The following RRN3 variants were observed in gnomAD, a reference collection of about 807,000 sequenced individuals.
RRN3 encodes RNA polymerase I transcription factor RRN3.
In RRN3, 38 loss-of-function variants were observed where a neutral mutation model predicts 82.3. The observed-to-expected ratio is 0.46, with a 90% CI of 0.36 to 0.61. The LOEUF (loss-of-function observed/expected upper bound fraction) is 0.61. Ranked by LOEUF, RRN3 falls within the 20% of genes least tolerant of loss-of-function variation. The pLI is 0.00. For synonymous variants in RRN3, 284 were observed against 284.3 expected (o/e 1.00, Z 0.01); for missense variants, 726 against 793.1 (o/e 0.92, Z 1.02).
intron 3 of RRN3, among the ~76,000 whole-genome samples, chr16:15,086,677 CT>C (rs2151815806): frequency 1.3e-5 from 2 of 152,276 alleles, no homozygotes; most frequent in East Asian, 3.9e-4. Flanking sequence ...AGGAGAAAGA[CT>C]TAAATGCAAT....
rs545111679 is a variant in RRN3 at position 15,085,316 on chromosome 16, C to T, written c.532+323G>A. Among the ~76,000 whole-genome samples the T allele has an allele frequency of 4.2e-5, 5 of 118,828 alleles. No homozygotes were observed. In the South Asian group the frequency reaches 1.2e-3, roughly 29 times the overall value. 78.0% of individuals were successfully genotyped at this position (118,828 alleles called of 152,430 possible). On this transcript the variant is annotated intron_variant, in intron 6 of 17. Coordinates refer to ENST00000198767, the MANE Select transcript of RRN3 (RefSeq NM_018427.5). Reference sequence around the variant, plus strand: ...CTTATTAGAATAGGTGCCAGGTATTCTGTGCTTTACTTTTTTTTTTAAAGA... The same window carrying T: ...CTTATTAGAATAGGTGCCAGGTATTTTGTGCTTTACTTTTTTTTTTAAAGA...
At position 15,092,587 on chromosome 16, in the gene RRN3, A is replaced by T; in HGVS notation, c.117T>A (p.Asn39Lys). The T allele has an allele frequency of 6.2e-7, 1 of 1,612,632 alleles. No individual in the cohort carries two copies. The highest frequency in any genetic ancestry group is 1.7e-4 in the Middle Eastern group (1 of 6,054). Residue 39 changes from asparagine to lysine, a missense_variant, in exon 2 of 18, where the codon AAT becomes AAA. Coordinates refer to ENST00000198767, the MANE Select transcript of RRN3 (RefSeq NM_018427.5). ...TTCTTGGGGGAGAATTGAAAAAGTC[A>T]TTCTCTAATGCACGCATATTTGAAA... ...TGISNMRALE[N>K]DFFNSPPRKT... is the part of the protein sequence containing the mutation.
intron 16 of RRN3, among the ~76,000 whole-genome samples, chr16:15,064,956 G>A (rs1257969012): frequency 6.6e-6 from 1 of 152,184 alleles, no homozygotes; most frequent in Non-Finnish European, 1.5e-5. Context: ...CACGAGGTCA[G>A]GAGATCGAGA....
chr16:15,085,125 G>A (rs1002658901), intron 6 of RRN3, among the ~76,000 whole-genome samples: 3 of 151,884 alleles, frequency 2.0e-5, no homozygotes, highest in African/African-American at 7.3e-5. Context: ...TAACCAAAAC[G>A]GAATAATTTA....
At chr16:15,066,808 C>T (rs889241405) in intron 15 of RRN3, among the ~76,000 whole-genome samples, 5 of 151,534 alleles carry the variant, frequency 3.3e-5, no homozygotes, top group African/African-American at 1.2e-4. Context: ...ATGGTACACG[C>T]CTTTATTTAC....
rs11419800 is a variant in RRN3, at chr16:15,076,980, C to CTTT, written c.766-333_766-331dup. Among the ~76,000 whole-genome samples the CTTT allele has an allele frequency of 1.5e-3, 222 of 143,908 alleles. 8 individuals carry two copies. The highest frequency in any genetic ancestry group is 5.0e-3 in the African/African-American group (197 of 39,050). 94.4% of individuals were successfully genotyped at this position (143,908 alleles called of 152,430 possible). ...TGGCTCTGTGTCCCCACCCAAATCA[C>CTTT]TTTTTTTTTTTTTTTTGAGGCAGAG... On this transcript the variant is annotated intron_variant, in intron 9 of 17. Transcript: ENST00000198767.
At chr16:15,080,460 G>A (rs2045653103) in intron 8 of RRN3, among the ~76,000 whole-genome samples, 1 of 151,968 alleles carries the variant, frequency 6.6e-6, no homozygotes, top group Non-Finnish European at 1.5e-5. Flanking sequence ...TTAGAGACAG[G>A]GTCTTGCTCT....
chr16:15,075,815 T>A (rs1448706884), intron 10 of RRN3, among the ~76,000 whole-genome samples: 1 of 152,100 alleles, frequency 6.6e-6, no homozygotes, highest in African/African-American at 2.4e-5. Flanking sequence ...GGCCCCCTTT[T>A]GCAGGTCGGG....
chr16:15,081,703 C>A (rs1419586023), intron 8 of RRN3, among the ~76,000 whole-genome samples: 1 of 152,014 alleles, frequency 6.6e-6, no homozygotes, highest in East Asian at 1.9e-4. Context: ...GCATTTTTTT[C>A]TTTGGTTGCT....
intron 3 of RRN3, among the ~76,000 whole-genome samples, chr16:15,087,432 T>C (rs2045951632): frequency 6.6e-6 from 1 of 152,150 alleles, no homozygotes; most frequent in South Asian, 2.1e-4. Flanking sequence ...TCCAAACCCG[T>C]CTGTCTCGGT....
chr16:15,076,684 G>C (rs770389349), intron 9 of RRN3, 34 bp from the exon 10 acceptor site: 1 of 1,438,530 alleles, frequency 7.0e-7, no homozygotes, highest in South Asian at 1.1e-5. Context: ...AGAATAAAAG[G>C]ATTTAAAAAA....
In RRN3 at chr16:15,085,772, T is replaced by A; in HGVS notation, c.473-74A>T. The A allele has an allele frequency of 1.9e-6, 3 of 1,590,570 alleles. No individual in the cohort carries two copies. In the South Asian group the frequency reaches 3.4e-5, roughly 18 times the overall value. On this transcript the variant is annotated intron_variant, in intron 5 of 17. Coordinates refer to ENST00000198767, the MANE Select transcript of RRN3 (RefSeq NM_018427.5). ...TGAATGGCTATACAAAAAAAGTTAC[T>A]GACCTAGACAATGAACAGCTATAAA...
At chr16:15,091,209 C>A (rs1427767670) in intron 3 of RRN3, 106 bp downstream of exon 3, 1 of 1,396,848 alleles carries the variant, frequency 7.2e-7, no homozygotes, top group Non-Finnish European at 9.9e-7. Flanking sequence ...TAAGGGAGGA[C>A]CATGGAGAGA....
intron 15 of RRN3, among the ~76,000 whole-genome samples, chr16:15,067,130 C>G (rs1401709296): frequency 6.6e-6 from 1 of 150,638 alleles, no homozygotes; most frequent in Non-Finnish European, 1.5e-5. Context: ...CACTGAGACT[C>G]AGAAGAGAGG....
At chr16:15,092,754 A>T (rs1251616264) in intron 1 of RRN3, 140 bp from the exon 2 acceptor site, 1 of 634,622 alleles carries the variant, frequency 1.6e-6, no homozygotes, top group African/African-American at 1.8e-5. Flanking sequence ...ACTCTTAACC[A>T]ACAATCCTTC....
chr16:15,065,448 A>T, intron 15 of RRN3, 77 bp from the exon 16 acceptor site: 1 of 1,268,376 alleles, frequency 7.9e-7, no homozygotes, highest in Non-Finnish European at 1.1e-6. Flanking sequence ...GCTGCGTGTG[A>T]CAACTGTACC....
At chr16:15,065,539 G>A (rs1397742106) in intron 15 of RRN3, among the ~76,000 whole-genome samples, 168 bp from the exon 16 acceptor site, 10 of 152,104 alleles carry the variant, frequency 6.6e-5, no homozygotes, top group African/African-American at 2.2e-4. Context: ...TTAGGGTACC[G>A]TTCTATGGGT....
Position 15,061,592 on chromosome 16 carries a change from C to A in RRN3, c.*152G>T. ...AACAAAAAAACCCAGTCTTCAGATG[C>A]TTGATTCAGTCGAACCTGGAAGTGC... On this transcript the variant is annotated 3_prime_UTR_variant, in exon 18 of 18. Transcript: ENST00000198767. 1 of 591,288 alleles carries A rather than the reference C, an allele frequency of 1.7e-6. No individual in the cohort carries two copies. The allele number at this position is 591,288 out of a possible 1,614,324, so 36.6% of individuals were successfully genotyped here. A position where few individuals can be genotyped will look rare whatever the true frequency, so the allele number is the denominator to read the frequency against.
chr16:15,060,117 TCA>T lies in RRN3; in HGVS notation c.*1625_*1626del. ...TTTCATTTTCACCATGGATTTTTTT[TCA>T]CAAACTCCTTTGAAATTAAACAGAC... is the stretch of plus-strand genomic sequence containing the variant. On this transcript the variant is annotated 3_prime_UTR_variant, in exon 18 of 18. Transcript: ENST00000198767. 1 of 344,568 alleles carries T rather than the reference TCA, an allele frequency of 2.9e-6. No individual in the cohort carries two copies. The highest frequency in any genetic ancestry group is 2.4e-5 in the South Asian group (1 of 41,480). The allele number at this position is 344,568 out of a possible 1,614,324, so 21.3% of individuals were successfully genotyped here.
Sources: allele counts gnomAD v4.1 joint callset (sites outside exome capture counted in the v4.1 genomes callset), GRCh38; gene constraint gnomAD v4.1.1; transcripts MANE v1.5; gene names NCBI Gene and HGNC (gene_info 2026-07-23, HGNC 2026-07-21).